Variants in PLEKHA2 observed in about 807,000 individuals in gnomAD.
PLEKHA2 encodes the protein pleckstrin homology domain containing A2.
Under a neutral mutation model 53.2 loss-of-function variants are expected in PLEKHA2, and 28 were observed. The observed-to-expected ratio is 0.53, with a 90% confidence interval of 0.39 to 0.72. The LOEUF (loss-of-function observed/expected upper bound fraction) is 0.72, where lower values mean the gene tolerates loss of function less well. Among genes scored for constraint, PLEKHA2 ranks in the 30% least tolerant of loss-of-function variants. The pLI is 0.00. For missense variants in PLEKHA2, 426 were observed against 537.9 expected, an observed-to-expected ratio of 0.79 and a Z score of 2.06; for synonymous variants, 193 against 196.4, an observed-to-expected ratio of 0.98 and a Z score of 0.14.
intron 10 of PLEKHA2, 67 bp downstream of exon 10, chr8:38,957,453 T>G: frequency 7.4e-7 from 1 of 1,349,086 alleles, no homozygotes; most frequent in South Asian, 1.2e-5. Context: ...ACAGGCCGTG[T>G]CCTTTCCTTT....
chr8:38,953,143 A>AT (rs549672409), intron 8 of PLEKHA2, among the ~76,000 whole-genome samples, 154 bp from the exon 9 acceptor site: 160 of 151,532 alleles, frequency 1.1e-3, no homozygotes, highest in African/African-American at 2.7e-3. Context: ...GCCCAGCCAG[A>AT]TTTTTTTTTC....
rs1834487783 is a variant in PLEKHA2 at position 38,935,995 on chromosome 8, A to T, written c.143A>T (p.Asn48Ile). ...AAATGAAAACTATGTGTCTTTCAGAATCTGGCAATGGGGGCAGGAGCTGTT... is the reference window on the plus strand; with the variant it reads ...AAATGAAAACTATGTGTCTTTCAGATTCTGGCAATGGGGGCAGGAGCTGTT... ...CLLWYMDNPQ[N>I]LAMGAGAVGA... Residue 48 changes from asparagine to isoleucine, a missense_variant and splice_region_variant, in exon 3 of 12, where the codon AAT becomes ATT. By Grantham distance (149) the Asn-to-Ile change is moderately radical. Coordinates refer to ENST00000617275, the MANE Select transcript of PLEKHA2 (RefSeq NM_021623.2). 6.2e-7 allele frequency: 1 copy of T among 1,613,376 alleles called. No individual in the cohort carries two copies. The highest frequency in any genetic ancestry group is 8.5e-7 in the Non-Finnish European group (1 of 1,179,506).
intron 1 of PLEKHA2, among the ~76,000 whole-genome samples, chr8:38,913,268 G>T (rs1460597139): frequency 6.6e-6 from 1 of 151,744 alleles, no homozygotes; most frequent in Non-Finnish European, 1.5e-5. Flanking sequence ...GGAGGCTGAG[G>T]CAGGACAATC....
intron 11 of PLEKHA2, 86 bp downstream of exon 11, chr8:38,968,755 AG>A: frequency 7.0e-7 from 1 of 1,427,970 alleles, no homozygotes; most frequent in Non-Finnish European, 9.9e-7. Flanking sequence ...GATGTAGGCA[AG>A]CAGCCTGGTC....
At chr8:38,917,797 G>T in intron 1 of PLEKHA2, 110 bp from the exon 2 acceptor site, 1 of 1,271,216 alleles carries the variant, frequency 7.9e-7, no homozygotes, top group Non-Finnish European at 1.1e-6. Context: ...GTGCCCCCAC[G>T]GAAGGAAGCT....
intron 2 of PLEKHA2, among the ~76,000 whole-genome samples, chr8:38,920,305 C>T (rs1409067986): frequency 3.9e-5 from 6 of 152,250 alleles, no homozygotes; most frequent in South Asian, 2.1e-4. Flanking sequence ...CACCCGCCAC[C>T]ACGCCCAGCT....
In PLEKHA2 at chr8:38,902,661, T is replaced by C. The variant is rs545331976; in HGVS notation, c.-24+1216T>C. The stretch of plus-strand genomic sequence containing the variant: ...CCCTTCTTTTGTCATTTTTTTTCTT[T>C]GGTTGCGAAGCCTTCCGAAACAGCA... On this transcript the variant is annotated intron_variant, in intron 1 of 11. Coordinates refer to ENST00000617275, the MANE Select transcript of PLEKHA2 (RefSeq NM_021623.2). Among the ~76,000 whole-genome samples the C allele has an allele frequency of 2.0e-5, 3 of 152,334 alleles. No individual in the cohort carries two copies. In the South Asian group the frequency reaches 6.2e-4, roughly 32 times the overall value.
chr8:38,951,766 G>T, intron 6 of PLEKHA2, among the ~76,000 whole-genome samples: 1 of 152,086 alleles, frequency 6.6e-6, no homozygotes, highest in East Asian at 1.9e-4. Flanking sequence ...AAGTGCAGTG[G>T]TGCAATCATG....
At chr8:38,934,917 A>G (rs914513989) in intron 2 of PLEKHA2, among the ~76,000 whole-genome samples, 2 of 152,150 alleles carry the variant, frequency 1.3e-5, no homozygotes, top group Non-Finnish European at 2.9e-5. Context: ...AGTCAGTGAG[A>G]TCTCAGGGCA....
intron 4 of PLEKHA2, among the ~76,000 whole-genome samples, chr8:38,945,452 C>A (rs1834696130): frequency 6.6e-6 from 1 of 152,178 alleles, no homozygotes; most frequent in South Asian, 2.1e-4. Flanking sequence ...TGTCTCCCCA[C>A]CTCAGATTTG....
Position 38,969,880 on chromosome 8 carries a change from C to A in PLEKHA2, c.*97C>A, listed in dbSNP as rs972582160. The A allele has an allele frequency of 2.0e-6, 3 of 1,489,164 alleles. No homozygotes were observed. The African/African-American group carries it at 4.3e-5, about 21-fold the overall frequency. The allele number at this position is 1,489,164 out of a possible 1,614,324, so 92.2% of individuals were successfully genotyped here. ...TACCTTGTTGGAGGGTAGTCAGAGG[C>A]CTTTATGTCACTCATATTCCTGTGG... On this transcript the variant is annotated 3_prime_UTR_variant, in exon 12 of 12. Coordinates refer to ENST00000617275, the MANE Select transcript of PLEKHA2 (RefSeq NM_021623.2).
chr8:38,905,598 C>T (rs545645837), intron 1 of PLEKHA2, among the ~76,000 whole-genome samples: 12 of 151,908 alleles, frequency 7.9e-5, no homozygotes, highest in African/African-American at 2.2e-4. Flanking sequence ...AGGCCATTTA[C>T]GCTCCCCCCT....
At chr8:38,960,116 G>C (rs1292462030) in intron 10 of PLEKHA2, among the ~76,000 whole-genome samples, 3 of 152,162 alleles carry the variant, frequency 2.0e-5, no homozygotes, top group Non-Finnish European at 4.4e-5. Flanking sequence ...ATGAGTGTAT[G>C]CACATTTACC....
At chr8:38,941,340 G>A (rs545652393) in intron 3 of PLEKHA2, among the ~76,000 whole-genome samples, 1 of 152,348 alleles carries the variant, frequency 6.6e-6, no homozygotes. Context: ...ACAGGCGTGA[G>A]CCACTGTGCC....
chr8:38,934,157 A>T (rs1295090267), intron 2 of PLEKHA2, among the ~76,000 whole-genome samples: 3 of 151,078 alleles, frequency 2.0e-5, no homozygotes, highest in East Asian at 1.9e-4. Context: ...AGAAGAAGAA[A>T]ATATATATAT....
chr8:38,949,839 G>A (rs185194196), intron 5 of PLEKHA2, among the ~76,000 whole-genome samples: 2 of 152,220 alleles, frequency 1.3e-5, no homozygotes, highest in African/African-American at 4.8e-5. Context: ...TGCATGAGAC[G>A]GTTTAGGCCT....
At chr8:38,934,327 A>G (rs1834452086) in intron 2 of PLEKHA2, among the ~76,000 whole-genome samples, 1 of 152,112 alleles carries the variant, frequency 6.6e-6, no homozygotes, top group African/African-American at 2.4e-5. Flanking sequence ...CTCCTGATAG[A>G]TCATTTCACT....
At chr8:38,939,486 G>A (rs1054159093) in intron 3 of PLEKHA2, among the ~76,000 whole-genome samples, 4 of 152,178 alleles carry the variant, frequency 2.6e-5, no homozygotes, top group South Asian at 4.1e-4. Flanking sequence ...GCACTCACAC[G>A]TGCACTCTCA....
intron 1 of PLEKHA2, among the ~76,000 whole-genome samples, chr8:38,912,843 C>A (rs997451559): frequency 1.1e-4 from 17 of 152,122 alleles, no homozygotes; most frequent in Admixed American, 9.2e-4. Flanking sequence ...GCCAGTCCTT[C>A]CCCCCACCTC....
Sources: allele counts gnomAD v4.1 joint callset (sites outside exome capture counted in the v4.1 genomes callset), GRCh38; gene constraint gnomAD v4.1.1; transcripts MANE v1.5; gene names NCBI Gene and HGNC (gene_info 2026-07-23, HGNC 2026-07-21).